The following TRAPPC9 variants were observed in gnomAD, a reference collection of about 807,000 sequenced individuals.
TRAPPC9 encodes the protein IKK2 binding protein.
In TRAPPC9, 83 loss-of-function variants were observed where a neutral mutation model predicts 124.0. The observed-to-expected ratio is 0.67, with a 90% CI of 0.56 to 0.80. The LOEUF (loss-of-function observed/expected upper bound fraction) is 0.80. Ranked by LOEUF, TRAPPC9 falls within the 30% of genes least tolerant of loss-of-function variation. TRAPPC9 has a pLI of 0.00. For synonymous variants in TRAPPC9, 638 were observed against 617.5 expected (o/e 1.03, Z -0.49); for missense variants, 1,302 against 1,508.3 (o/e 0.86, Z 2.27).
At position 140,263,862 on chromosome 8, in the gene TRAPPC9, G is replaced by A. The variant is rs181970656; in HGVS notation, c.2279-10933C>T. 1.3e-4 allele frequency among the ~76,000 whole-genome samples: 20 copies of A among 152,262 alleles called. No individual in the cohort carries two copies. The East Asian group carries it at 3.7e-3, about 28-fold the overall frequency. On this transcript the variant is annotated intron_variant, in intron 15 of 22. Coordinates refer to ENST00000438773, the MANE Select transcript of TRAPPC9 (RefSeq NM_001160372.4). ...GACTAGTCTGCTGGCCTGGCTACCC[G>A]GAGCCGGCTGCTGCAGCTGTCCTCA...
chr8:139,844,399 T>C (rs897338672), intron 21 of TRAPPC9, among the ~76,000 whole-genome samples: 3 of 152,204 alleles, frequency 2.0e-5, no homozygotes, highest in African/African-American at 7.2e-5. Flanking sequence ...GCTCTAAACA[T>C]GTCACAGGAT....
At chr8:140,126,088 T>C (rs2061091762) in intron 17 of TRAPPC9, among the ~76,000 whole-genome samples, 1 of 152,112 alleles carries the variant, frequency 6.6e-6, no homozygotes, top group Non-Finnish European at 1.5e-5. Flanking sequence ...ATCTCATTCT[T>C]TACACAATTC....
intron 18 of TRAPPC9, among the ~76,000 whole-genome samples, chr8:140,018,916 T>G (rs1463787067): frequency 1.3e-5 from 2 of 152,226 alleles, no homozygotes; most frequent in Non-Finnish European, 2.9e-5. Context: ...GACTTTCACC[T>G]CTAAGTATAA....
chr8:139,912,004 G>T (rs915758450), intron 19 of TRAPPC9, among the ~76,000 whole-genome samples: 7 of 152,062 alleles, frequency 4.6e-5, no homozygotes, highest in African/African-American at 1.7e-4. Context: ...CGCAAGCAGA[G>T]GACAGTGCTT....
chr8:139,867,880 T>C (rs140807769), intron 21 of TRAPPC9, among the ~76,000 whole-genome samples: 528 of 152,288 alleles, frequency 3.5e-3, no homozygotes, highest in Non-Finnish European at 5.8e-3. Flanking sequence ...ATCTTAAATA[T>C]AAAGGACACT....
At chr8:140,443,426 A>C (rs968978666) in intron 2 of TRAPPC9, among the ~76,000 whole-genome samples, 2 of 150,936 alleles carry the variant, frequency 1.3e-5, no homozygotes, top group Non-Finnish European at 3.0e-5. Context: ...ACAGAGCAAG[A>C]CTCCATCTCA....
intron 21 of TRAPPC9, among the ~76,000 whole-genome samples, chr8:139,844,338 G>A (rs1563857677): frequency 1.3e-5 from 2 of 152,190 alleles, no homozygotes; most frequent in Admixed American, 1.3e-4. Context: ...AGGAGAAGGG[G>A]GTCAAACCAG....
intron 17 of TRAPPC9, among the ~76,000 whole-genome samples, chr8:140,141,412 T>C (rs780085157): frequency 4.6e-5 from 7 of 152,160 alleles, no homozygotes; most frequent in Non-Finnish European, 8.8e-5. Flanking sequence ...GGTTATCAGA[T>C]TTTTTTAAAA....
chr8:140,455,973 T>C (rs1180627892), intron 1 of TRAPPC9, among the ~76,000 whole-genome samples: 1 of 152,098 alleles, frequency 6.6e-6, no homozygotes. Flanking sequence ...TGCAAATCTA[T>C]ATATATCGAA....
rs142595507 is a variant in TRAPPC9, at chr8:140,190,366, G to A, written c.2556+31093C>T. ...CCAGCTACTCGGGAGGCTGAGGCAG[G>A]AGAAGTGCTTGAACTCGGGAGCCGG... On this transcript the variant is annotated intron_variant, in intron 17 of 22. Coordinates refer to ENST00000438773, the MANE Select transcript of TRAPPC9 (RefSeq NM_001160372.4). Among the ~76,000 whole-genome samples, 1,336 of 152,290 alleles carry A rather than the reference G, an allele frequency of 8.8e-3. 16 individuals carry two copies. The highest frequency in any genetic ancestry group is 0.027 in the Middle Eastern group (8 of 294).
chr8:139,758,254 G>A (rs970957966), intron 21 of TRAPPC9, among the ~76,000 whole-genome samples: 10 of 152,320 alleles, frequency 6.6e-5, no homozygotes, highest in Middle Eastern at 3.4e-3. Context: ...TATGTGGGGT[G>A]GGGACATGTG....
intron 19 of TRAPPC9, among the ~76,000 whole-genome samples, chr8:139,941,261 C>A (rs915664743): frequency 1.3e-5 from 2 of 152,200 alleles, no homozygotes; most frequent in Non-Finnish European, 2.9e-5. Flanking sequence ...TGACCAGGAC[C>A]CTGGGGCTGC....
At chr8:140,458,278 T>G, upstream of TRAPPC9, 1 of 1,553,578 alleles carries the variant, frequency 6.4e-7, no homozygotes, top group Non-Finnish European at 8.7e-7. Flanking sequence ...CCCCGCCGCT[T>G]ACCAGTCCTT....
chr8:139,746,540 G>A (rs1022244747), intron 21 of TRAPPC9, among the ~76,000 whole-genome samples: 3 of 152,204 alleles, frequency 2.0e-5, no homozygotes, highest in African/African-American at 7.2e-5. Flanking sequence ...GAGCCTCAGG[G>A]TAGGCAGGGA....
At chr8:139,914,304 G>A (rs1025764082) in intron 19 of TRAPPC9, among the ~76,000 whole-genome samples, 2 of 152,234 alleles carry the variant, frequency 1.3e-5, no homozygotes, top group African/African-American at 4.8e-5. Context: ...ACAGGGAGAC[G>A]ACCCGCAGGC....
intron 21 of TRAPPC9, among the ~76,000 whole-genome samples, chr8:139,735,649 C>T (rs535996046): frequency 3.0e-4 from 45 of 148,576 alleles, no homozygotes; most frequent in Non-Finnish European, 6.1e-4. Flanking sequence ...CTCAGTACCA[C>T]CCTGCCCTGT....
rs751434543 is a variant in TRAPPC9, at chr8:140,104,631, C to T, written c.2557-80552G>A. On this transcript the variant is annotated intron_variant, in intron 17 of 22. Coordinates refer to ENST00000438773, the MANE Select transcript of TRAPPC9 (RefSeq NM_001160372.4). The surrounding 1 kb of genome is among the most constrained non-coding windows in gnomAD (Gnocchi z 4.0). ...TGAGGCAGGGAGATGACAACGCAGG[C>T]GGCAGGAATGCTGCGTCACACACAG... is the stretch of plus-strand genomic sequence containing the variant. Among the ~76,000 whole-genome samples, 6 of 152,108 alleles carry T rather than the reference C, an allele frequency of 3.9e-5. No individual in the cohort carries two copies. The highest frequency in any genetic ancestry group is 7.3e-5 in the Non-Finnish European group (5 of 68,028).
Position 140,287,621 on chromosome 8 carries a change from C to T in TRAPPC9, c.1968G>A (p.Thr656=), listed in dbSNP as rs752718657. Residue 656 remains threonine, a synonymous_variant, in exon 13 of 23, where the codon ACG becomes ACA. Coordinates refer to ENST00000438773, the MANE Select transcript of TRAPPC9 (RefSeq NM_001160372.4). ...GACTCTCCTTACCGTTCACAGTAAT[C>T]GTTCCAGTCGTCTGCGGGACCCCGA... ...TLVGVPQTTG[T]ITVNGYHTTV... 10 of 1,614,180 alleles carry T rather than the reference C, an allele frequency of 6.2e-6. No individual in the cohort carries two copies. In the South Asian group the frequency reaches 7.7e-5, roughly 12 times the overall value.
chr8:139,748,854 C>A (rs868074237), intron 21 of TRAPPC9, among the ~76,000 whole-genome samples: 1 of 152,082 alleles, frequency 6.6e-6, no homozygotes, highest in Non-Finnish European at 1.5e-5. Flanking sequence ...CCCTAGTGCC[C>A]AGCAGGGCCT....
Sources: gnomAD v4.1 joint callset for allele counts (sites outside exome capture counted in the v4.1 genomes callset) on GRCh38, gnomAD v4.1.1 for gene constraint, Gnocchi (gnomAD v3.1) non-coding constraint, MANE v1.5 for transcripts, NCBI Gene and HGNC (gene_info 2026-07-23, HGNC 2026-07-21) for gene names.